The following MIR2052HG variants were observed in gnomAD, a reference collection of about 807,000 sequenced individuals.
MIR2052HG encodes MIR2052 host gene.
intron 4 of MIR2052HG, among the ~76,000 whole-genome samples, chr8:74,706,371 C>G (rs780648456): frequency 1.4e-4 from 22 of 152,068 alleles, no homozygotes; most frequent in South Asian, 2.1e-4. Context: ...TAAGTCATCC[C>G]TCATAAATTT....
intron 4 of MIR2052HG, among the ~76,000 whole-genome samples, chr8:74,742,472 G>A (rs1249723386): frequency 6.6e-6 from 1 of 151,878 alleles, no homozygotes; most frequent in Non-Finnish European, 1.5e-5. Context: ...AATTATATCT[G>A]GTTAGTTGTT....
intron 2 of MIR2052HG, among the ~76,000 whole-genome samples, chr8:74,663,213 G>A (rs1182846151): frequency 6.6e-6 from 1 of 152,084 alleles, no homozygotes; most frequent in Non-Finnish European, 1.5e-5. Context: ...AAATTACACT[G>A]ACTTTTTTTG....
rs2128730294 is a variant in MIR2052HG, at chr8:74,603,156, G to C, written n.128+3248G>C. ...TTTAAGTAAAAAATCACGAGTGGAT[G>C]ATAAAGTGTGTAGAAACTGAAAATT... On this transcript the variant is annotated intron_variant and non_coding_transcript_variant, in intron 1 of 6. Coordinates refer to ENST00000523442, the Ensembl canonical transcript of MIR2052HG. 2.1e-5 allele frequency: 15 copies of C among 723,308 alleles called. 1 individual carries two copies. The South Asian group carries it at 2.3e-4, about 11-fold the overall frequency. 44.8% of individuals were successfully genotyped at this position (723,308 alleles called of 1,614,324 possible). A position where few individuals can be genotyped will look rare whatever the true frequency, so the allele number is the denominator to read the frequency against.
intron 2 of MIR2052HG, among the ~76,000 whole-genome samples, chr8:74,675,811 C>G (rs1809045196): frequency 6.6e-6 from 1 of 151,858 alleles, no homozygotes; most frequent in Non-Finnish European, 1.5e-5. Flanking sequence ...ATCTTCATGG[C>G]CCTGAAATCA....
intron 2 of MIR2052HG, among the ~76,000 whole-genome samples, chr8:74,649,204 A>C (rs1808727053): frequency 6.6e-6 from 1 of 152,184 alleles, no homozygotes. Flanking sequence ...TAAATAAATA[A>C]ATCTCATGAG....
At chr8:74,625,133 A>G (rs1347245023) in intron 2 of MIR2052HG, 1 of 152,040 alleles carries the variant, frequency 6.6e-6, no homozygotes, top group Non-Finnish European at 1.5e-5. Context: ...ATCACAGCTC[A>G]CTGCAGTCTC....
At chr8:74,625,979 A>G (rs991829479) in intron 2 of MIR2052HG, among the ~76,000 whole-genome samples, 1 of 152,206 alleles carries the variant, frequency 6.6e-6, no homozygotes, top group African/African-American at 2.4e-5. Flanking sequence ...ATTTGGGAAC[A>G]TCACTTATAA....
intron 2 of MIR2052HG, chr8:74,628,960 G>A (rs966748502): frequency 6.6e-6 from 1 of 152,022 alleles, no homozygotes; most frequent in Non-Finnish European, 1.5e-5. Context: ...TAGTCTGATG[G>A]GAGAGAGCAT....
chr8:74,713,371 A>G (rs1809489171), intron 4 of MIR2052HG, among the ~76,000 whole-genome samples: 1 of 152,200 alleles, frequency 6.6e-6, no homozygotes, highest in Non-Finnish European at 1.5e-5. Flanking sequence ...CATTTCTTAA[A>G]TGACAAAATG....
At chr8:74,649,170 C>T (rs28452352) in intron 2 of MIR2052HG, among the ~76,000 whole-genome samples, 9,893 of 151,930 alleles carry the variant, frequency 0.065, 384 homozygotes, top group African/African-American at 0.09. Flanking sequence ...ATGATTGATA[C>T]GGACTTTTAA....
intron 4 of MIR2052HG, among the ~76,000 whole-genome samples, chr8:74,720,728 T>TG (rs989583469): frequency 6.6e-6 from 1 of 152,086 alleles, no homozygotes; most frequent in Non-Finnish European, 1.5e-5. Flanking sequence ...CTGGGTAATT[T>TG]GGGGGGCGGT....
chr8:74,603,482 T>C, intron 1 of MIR2052HG: 2 of 1,594,508 alleles, frequency 1.3e-6, no homozygotes, highest in East Asian at 2.2e-5. Flanking sequence ...CGCCCGATTA[T>C]GCAGCCAATC....
At chr8:74,732,069 A>G (rs1054034307) in intron 4 of MIR2052HG, among the ~76,000 whole-genome samples, 1 of 152,180 alleles carries the variant, frequency 6.6e-6, no homozygotes, top group African/African-American at 2.4e-5. Flanking sequence ...AGACTAATAC[A>G]GTAGGCCCAT....
At chr8:74,748,150 G>A (rs530625947) in intron 4 of MIR2052HG, among the ~76,000 whole-genome samples, 28 of 152,234 alleles carry the variant, frequency 1.8e-4, no homozygotes, top group Admixed American at 5.9e-4. Flanking sequence ...TGTCTCTAAC[G>A]CTGAAGGATT....
intron 2 of MIR2052HG, among the ~76,000 whole-genome samples, chr8:74,680,399 G>A (rs1316223472): frequency 6.6e-6 from 1 of 152,036 alleles, no homozygotes; most frequent in African/African-American, 2.4e-5. Context: ...AAAAGTGGGT[G>A]AAGGACATGA....
At chr8:74,603,620 T>C in intron 1 of MIR2052HG, 2 of 1,484,618 alleles carry the variant, frequency 1.3e-6, no homozygotes, top group Non-Finnish European at 1.9e-6. Flanking sequence ...TGCAGCATGG[T>C]CAAATCTGGC....
At chr8:74,678,940 AAG>A (rs1387775456) in intron 2 of MIR2052HG, among the ~76,000 whole-genome samples, 2 of 152,168 alleles carry the variant, frequency 1.3e-5, no homozygotes, top group Admixed American at 6.6e-5. Context: ...TTCACCATGA[AAG>A]AGAAAAAATA....
chr8:74,658,806 C>T (rs1808833281), intron 2 of MIR2052HG, among the ~76,000 whole-genome samples: 1 of 152,118 alleles, frequency 6.6e-6, no homozygotes, highest in Non-Finnish European at 1.5e-5. Context: ...TAAAGGCAAA[C>T]AGAATCTCTG....
chr8:74,600,776 A>C (rs987448606), intron 1 of MIR2052HG, among the ~76,000 whole-genome samples: 4 of 151,876 alleles, frequency 2.6e-5, no homozygotes, highest in Non-Finnish European at 5.9e-5. Flanking sequence ...AGGTTTCACC[A>C]TGTTGGCCAG....
Sources: gnomAD v4.1 joint callset for allele counts (sites outside exome capture counted in the v4.1 genomes callset) on GRCh38, gnomAD v4.1.1 for gene constraint, MANE v1.5 for transcripts, NCBI Gene and HGNC (gene_info 2026-07-23, HGNC 2026-07-21) for gene names.